The following EHMT1 variants were observed in gnomAD, a reference collection of about 807,000 sequenced individuals.
EHMT1 encodes histone-lysine N-methyltransferase EHMT1.
A neutral mutation model predicts 147.2 loss-of-function variants in EHMT1; 15 were observed. That is an observed-to-expected ratio of 0.10 (90% CI 0.07 to 0.16). The LOEUF (loss-of-function observed/expected upper bound fraction) is 0.16. Ranked by LOEUF, EHMT1 falls within the 10% of genes least tolerant of loss-of-function variation. The pLI, the probability that EHMT1 is intolerant of heterozygous loss-of-function variation, is 1.00. For missense variants in EHMT1, 1,587 were observed against 1,772.4 expected, an observed-to-expected ratio of 0.90 and a Z score of 1.88; for synonymous variants, 795 against 709.6, an observed-to-expected ratio of 1.12 and a Z score of -1.91.
intron 2 of EHMT1, among the ~76,000 whole-genome samples, chr9:137,715,026 T>G (rs1395694147): frequency 1.3e-5 from 2 of 152,238 alleles, no homozygotes; most frequent in Admixed American, 6.5e-5. Context: ...TCTTACATTT[T>G]CTAGGTAATG....
At position 137,812,986 on chromosome 9, in the gene EHMT1, C is replaced by G. The variant is rs1266886032; in HGVS notation, c.2868-20C>G. The stretch of plus-strand genomic sequence containing the variant: ...CAAGTCAGCTTTAAATGTTTTGTGG[C>G]CTTACATTTTCCCTTTTAGCCTCTT... On this transcript the variant is annotated intron_variant, in intron 19 of 26. Coordinates refer to ENST00000460843, the MANE Select transcript of EHMT1 (RefSeq NM_024757.5). 3 of 1,613,810 alleles carry G rather than the reference C, an allele frequency of 1.9e-6. No individual in the cohort carries two copies. In the South Asian group the frequency reaches 3.3e-5, roughly 18 times the overall value.
At chr9:137,795,401 G>GCACACA (rs554055210) in intron 16 of EHMT1, among the ~76,000 whole-genome samples, 7,247 of 130,228 alleles carry the variant, frequency 0.056, 260 homozygotes, top group African/African-American at 0.09. Context: ...ATCGCAGGGT[G>GCACACA]CACACACACA....
chr9:137,651,566 T>A (rs1479259194), intron 1 of EHMT1, among the ~76,000 whole-genome samples: 2 of 152,144 alleles, frequency 1.3e-5, no homozygotes, highest in Non-Finnish European at 2.9e-5. Context: ...GGCAGGCGGA[T>A]CACTTGAGGT....
intron 4 of EHMT1, among the ~76,000 whole-genome samples, chr9:137,738,291 T>G (rs1223428704): frequency 6.6e-6 from 1 of 151,734 alleles, no homozygotes; most frequent in African/African-American, 2.4e-5. Context: ...AAATGGCCAG[T>G]AAGCCCATGA....
At chr9:137,718,740 CTCTTTTTCTT>C (rs1945610897) in intron 3 of EHMT1, among the ~76,000 whole-genome samples, 1 of 149,300 alleles carries the variant, frequency 6.7e-6, no homozygotes, top group Non-Finnish European at 1.5e-5. Context: ...TTAGTTCTCT[CTCTTTTTCTT>C]TTTCTTTTTC....
At chr9:137,771,242 C>T (rs1191239896) in intron 10 of EHMT1, among the ~76,000 whole-genome samples, 2 of 140,724 alleles carry the variant, frequency 1.4e-5, no homozygotes, top group Admixed American at 7.7e-5. Context: ...CTCTGTCACA[C>T]AGGCTGGAGT....
At chr9:137,777,741 G>A in intron 12 of EHMT1, 141 bp from the exon 13 acceptor site, 1 of 1,298,442 alleles carries the variant, frequency 7.7e-7, no homozygotes, top group Non-Finnish European at 1.1e-6. Context: ...TCTGAATCCT[G>A]AACCGTTAAA....
intron 1 of EHMT1, among the ~76,000 whole-genome samples, chr9:137,670,301 ACCTTGCACCT>A (rs1341512740): frequency 2.6e-5 from 4 of 151,658 alleles, no homozygotes; most frequent in Non-Finnish European, 5.9e-5. Context: ...CCTTAGTCAG[ACCTTGCACCT>A]CCACCCCCAG....
Position 137,823,632 on chromosome 9 carries a change from C to T in EHMT1, c.3540+5494C>T, listed in dbSNP as rs191452010. ...TTCGCCGTGTTAGCCAGGATAGTCT[C>T]GATCTCCTGACCTCGTGATCCGCCC... On this transcript the variant is annotated intron_variant, in intron 25 of 26. Coordinates refer to ENST00000460843, the MANE Select transcript of EHMT1 (RefSeq NM_024757.5). The T allele has an allele frequency of 4.1e-3, 803 of 196,706 alleles. 11 individuals are homozygous for T. Among genetic ancestry groups the T allele is most frequent in the African/African-American group, 0.018 (767 of 41,514 alleles). 12.2% of individuals were successfully genotyped at this position (196,706 alleles called of 1,614,324 possible).
At chr9:137,692,201 C>A (rs7024179) in intron 1 of EHMT1, among the ~76,000 whole-genome samples, 41,728 of 151,414 alleles carry the variant, frequency 0.28, 7,108 homozygotes, top group African/African-American at 0.47. Flanking sequence ...ACCTGTGGAT[C>A]TTTCACATGG....
At position 137,835,062 on chromosome 9, in the gene EHMT1, G is replaced by A; in HGVS notation, c.*109G>A. On this transcript the variant is annotated 3_prime_UTR_variant, in exon 27 of 27. Coordinates refer to ENST00000460843, the MANE Select transcript of EHMT1 (RefSeq NM_024757.5). ...AACCGAAAGGGTCCTTCGGGGCTGCGCCGCCGGCTTCCTGGAGGGGTCGGA... is the reference window on the plus strand; with the variant it reads ...AACCGAAAGGGTCCTTCGGGGCTGCACCGCCGGCTTCCTGGAGGGGTCGGA... 8.7e-6 allele frequency: 11 copies of A among 1,257,784 alleles called. No homozygotes were observed. The highest frequency in any genetic ancestry group is 1.1e-5 in the Non-Finnish European group (11 of 981,390). The allele number at this position is 1,257,784 out of a possible 1,614,324, so 77.9% of individuals were successfully genotyped here.
intron 1 of EHMT1, among the ~76,000 whole-genome samples, chr9:137,652,400 T>A (rs1470163608): frequency 6.7e-6 from 1 of 149,858 alleles, no homozygotes; most frequent in Non-Finnish European, 1.5e-5. Context: ...AGTTTTATTT[T>A]TTTTGAGACG....
chr9:137,751,203 G>C (rs552228414), intron 6 of EHMT1, among the ~76,000 whole-genome samples: 2 of 152,176 alleles, frequency 1.3e-5, no homozygotes, highest in Admixed American at 1.3e-4. Context: ...TCTCAAATGA[G>C]GACGTTCTTC....
chr9:137,696,538 G>T (rs1943406765), intron 1 of EHMT1, among the ~76,000 whole-genome samples: 1 of 152,208 alleles, frequency 6.6e-6, no homozygotes, highest in Non-Finnish European at 1.5e-5. Flanking sequence ...GTTGTGAAAT[G>T]ACGTTTTTAA....
At chr9:137,652,114 AC>A (rs1937903444) in intron 1 of EHMT1, among the ~76,000 whole-genome samples, 1 of 152,216 alleles carries the variant, frequency 6.6e-6, no homozygotes, top group East Asian at 1.9e-4. Flanking sequence ...AGTCTAGAAG[AC>A]ACTGTTACCA....
chr9:137,742,309 G>A (rs187268115), intron 4 of EHMT1, among the ~76,000 whole-genome samples: 13 of 146,852 alleles, frequency 8.9e-5, no homozygotes, highest in South Asian at 2.1e-4. Context: ...GTGTGTGTGT[G>A]TGTGTGTGTG....
At chr9:137,803,376 A>C in intron 18 of EHMT1, 1 of 890,432 alleles carries the variant, frequency 1.1e-6, no homozygotes, top group South Asian at 5.2e-5. Flanking sequence ...CTTCACAGCC[A>C]TGCCCAGCCC....
intron 1 of EHMT1, among the ~76,000 whole-genome samples, chr9:137,650,666 CTTT>C (rs75230304): frequency 1.6e-5 from 2 of 121,588 alleles, no homozygotes; most frequent in Non-Finnish European, 3.5e-5. Flanking sequence ...GGACCCCCCG[CTTT>C]TTTTTTTTTT....
chr9:137,753,467 G>A (rs968924886), intron 7 of EHMT1, among the ~76,000 whole-genome samples: 3 of 152,216 alleles, frequency 2.0e-5, no homozygotes, highest in Admixed American at 6.5e-5. Flanking sequence ...CAGGGCTCCC[G>A]GTACCGTCCT....
Sources: allele counts gnomAD v4.1 joint callset (sites outside exome capture counted in the v4.1 genomes callset), GRCh38; gene constraint gnomAD v4.1.1; transcripts MANE v1.5; gene names NCBI Gene and HGNC (gene_info 2026-07-23, HGNC 2026-07-21).